The following ANKRD44 variants were observed in gnomAD, a reference collection of about 807,000 sequenced individuals.
ANKRD44 encodes serine/threonine-protein phosphatase 6 regulatory ankyrin repeat subunit B.
In ANKRD44, 35 loss-of-function variants were observed where a neutral mutation model predicts 116.0. The ratio of observed to expected loss-of-function variants is 0.30; its 90% CI spans 0.23 to 0.40. The LOEUF (loss-of-function observed/expected upper bound fraction) is 0.40. Among genes scored for constraint, ANKRD44 ranks in the 10% least tolerant of loss-of-function variants. ANKRD44 has a pLI of 1.00. For missense variants in ANKRD44, 1,014 were observed against 1,242.6 expected (o/e 0.82, Z 2.77); for synonymous variants, 435 against 461.8 (o/e 0.94, Z 0.74).
chr2:197,031,918 C>T (rs931091389), intron 16 of ANKRD44, among the ~76,000 whole-genome samples: 7 of 152,030 alleles, frequency 4.6e-5, no homozygotes, highest in Non-Finnish European at 1.0e-4. Flanking sequence ...AAAAGTAGCC[C>T]TAACTGCTTG....
chr2:197,153,738 T>C (rs2079724981), intron 2 of ANKRD44, among the ~76,000 whole-genome samples: 1 of 152,126 alleles, frequency 6.6e-6, no homozygotes, highest in Admixed American at 6.5e-5. Flanking sequence ...CCTTCAGAAC[T>C]CTAGTTTAAA....
At chr2:197,267,042 G>C (rs1254160451) in intron 1 of ANKRD44, among the ~76,000 whole-genome samples, 1 of 151,708 alleles carries the variant, frequency 6.6e-6, no homozygotes, top group African/African-American at 2.4e-5. Context: ...GCCACATCAA[G>C]GCATTCATTA....
At chr2:197,178,150 C>T (rs564027375) in intron 2 of ANKRD44, among the ~76,000 whole-genome samples, 1 of 152,296 alleles carries the variant, frequency 6.6e-6, no homozygotes, top group South Asian at 2.1e-4. Context: ...ATTTGATTTT[C>T]ATCTTTGCCA....
At chr2:196,977,929 C>T (rs761859845) in intron 21 of ANKRD44, among the ~76,000 whole-genome samples, 31 of 152,048 alleles carry the variant, frequency 2.0e-4, no homozygotes, top group Non-Finnish European at 7.4e-5. Context: ...TATTCATGAT[C>T]GCTCAAAAGT....
chr2:196,981,652 T>C (rs968232218), intron 21 of ANKRD44, among the ~76,000 whole-genome samples: 3 of 152,096 alleles, frequency 2.0e-5, no homozygotes, highest in African/African-American at 7.2e-5. Context: ...TGGTGGTGTG[T>C]GCCTGTAGTC....
intron 1 of ANKRD44, among the ~76,000 whole-genome samples, chr2:197,303,717 C>T (rs1358401909): frequency 6.6e-6 from 1 of 152,166 alleles, no homozygotes; most frequent in Admixed American, 6.5e-5. Flanking sequence ...CAATTATCGA[C>T]TTAGTAATCC....
intron 1 of ANKRD44, among the ~76,000 whole-genome samples, chr2:197,280,233 AACAGGAG>A (rs1311762416): frequency 7.9e-5 from 12 of 152,202 alleles, no homozygotes; most frequent in Non-Finnish European, 1.5e-5. Context: ...GGAAATAGGC[AACAGGAG>A]AATGAAATTA....
chr2:197,302,575 G>A (rs1333686015), intron 1 of ANKRD44: 1 of 152,198 alleles, frequency 6.6e-6, no homozygotes, highest in Non-Finnish European at 1.5e-5. Context: ...ACCTACTTTT[G>A]GAGGCCATTG....
chr2:197,259,513 T>C (rs2105717405), intron 1 of ANKRD44, among the ~76,000 whole-genome samples: 1 of 152,352 alleles, frequency 6.6e-6, no homozygotes, highest in South Asian at 2.1e-4. Context: ...CTTCTGCAGA[T>C]AATCTCTTTC....
intron 2 of ANKRD44, among the ~76,000 whole-genome samples, chr2:197,181,680 G>A (rs2080509443): frequency 6.6e-6 from 1 of 152,174 alleles, no homozygotes; most frequent in African/African-American, 2.4e-5. Context: ...TACCATATTA[G>A]TCACCTTTCA....
chr2:197,178,021 A>T (rs569857254), intron 2 of ANKRD44, among the ~76,000 whole-genome samples: 29 of 152,228 alleles, frequency 1.9e-4, no homozygotes, highest in Non-Finnish European at 3.5e-4. Context: ...ATATATAGTT[A>T]ACCAATTATT....
At chr2:197,151,160 A>C (rs2125449174) in intron 2 of ANKRD44, among the ~76,000 whole-genome samples, 1 of 148,176 alleles carries the variant, frequency 6.7e-6, no homozygotes. Context: ...GACCAATGAT[A>C]CCCCTAAGGT....
intron 1 of ANKRD44, among the ~76,000 whole-genome samples, chr2:197,286,982 G>T (rs1446363698): frequency 6.6e-6 from 1 of 152,134 alleles, no homozygotes; most frequent in Non-Finnish European, 1.5e-5. Flanking sequence ...GATTTTCAGG[G>T]CAGTGAAACT....
chr2:197,080,479 T>C (rs1229682635), intron 15 of ANKRD44, among the ~76,000 whole-genome samples: 1 of 152,188 alleles, frequency 6.6e-6, no homozygotes, highest in African/African-American at 2.4e-5. Flanking sequence ...CCTACCTTTC[T>C]TGTCCCCTCC....
chr2:197,053,293 T>C (rs2077145012), intron 16 of ANKRD44, among the ~76,000 whole-genome samples: 1 of 152,142 alleles, frequency 6.6e-6, no homozygotes, highest in Admixed American at 6.5e-5. Context: ...ATGGAAACAG[T>C]AGTTATGTCT....
At chr2:197,041,180 C>G (rs2076904161) in intron 16 of ANKRD44, among the ~76,000 whole-genome samples, 2 of 152,284 alleles carry the variant, frequency 1.3e-5, no homozygotes, top group Non-Finnish European at 2.9e-5. Flanking sequence ...ACAGAGTAGA[C>G]AGAGCTATGA....
intron 2 of ANKRD44, among the ~76,000 whole-genome samples, chr2:197,181,107 A>T (rs1451077276): frequency 6.6e-6 from 1 of 152,198 alleles, no homozygotes; most frequent in African/African-American, 2.4e-5. Flanking sequence ...CTCCAGATTT[A>T]TTCCATTGTA....
chr2:197,063,328 G>T (rs1289967366), intron 16 of ANKRD44, among the ~76,000 whole-genome samples: 1 of 152,124 alleles, frequency 6.6e-6, no homozygotes. Flanking sequence ...AAGACTAAAG[G>T]TAGATAAAAC....
At chr2:197,227,087 C>A (rs2081734926) in intron 1 of ANKRD44, among the ~76,000 whole-genome samples, 1 of 152,200 alleles carries the variant, frequency 6.6e-6, no homozygotes, top group African/African-American at 2.4e-5. Flanking sequence ...AAAACAGCAT[C>A]TTAATTCTCA....
Sources: gnomAD v4.1 joint callset for allele counts (sites outside exome capture counted in the v4.1 genomes callset) on GRCh38, gnomAD v4.1.1 for gene constraint, MANE v1.5 for transcripts, NCBI Gene and HGNC (gene_info 2026-07-23, HGNC 2026-07-21) for gene names.